The following NFKB1 variants were observed in gnomAD, a reference collection of about 807,000 sequenced individuals.
NFKB1 encodes nuclear factor kappa B subunit 1.
Under a neutral mutation model 105.1 loss-of-function variants are expected in NFKB1, and 9 were observed. That is an observed-to-expected ratio of 0.09 (90% confidence interval 0.05 to 0.15). NFKB1 has a LOEUF of 0.15. Among genes scored for constraint, NFKB1 ranks in the 10% least tolerant of loss-of-function variants. The pLI, the probability that NFKB1 is intolerant of heterozygous loss-of-function variation, is 1.00. For synonymous variants in NFKB1, 440 were observed against 442.2 expected (o/e 1.00, Z 0.06); for missense variants, 830 against 1,203.7 (o/e 0.69, Z 4.59).
At chr4:102,585,094 T>C (rs960541834) in intron 11 of NFKB1, among the ~76,000 whole-genome samples, 3 of 152,026 alleles carry the variant, frequency 2.0e-5, no homozygotes, top group Non-Finnish European at 4.4e-5. Context: ...CTTCCTACAT[T>C]GTCCAGGCTG....
At chr4:102,575,586 G>C (rs138615237) in intron 6 of NFKB1, among the ~76,000 whole-genome samples, 1 of 152,044 alleles carries the variant, frequency 6.6e-6, no homozygotes, top group Non-Finnish European at 1.5e-5. Flanking sequence ...TGAAAACACC[G>C]GCGTGGTCCT....
intron 2 of NFKB1, among the ~76,000 whole-genome samples, chr4:102,527,129 G>A (rs1434784207): frequency 2.6e-5 from 4 of 152,088 alleles, no homozygotes; most frequent in South Asian, 2.1e-4. Flanking sequence ...GGCTTAGTGG[G>A]GAAAAAATAA....
At chr4:102,607,390 G>T in intron 18 of NFKB1, 71 bp downstream of exon 18, 1 of 1,516,622 alleles carries the variant, frequency 6.6e-7, no homozygotes, top group Non-Finnish European at 9.1e-7. Context: ...TTCAAAGAAG[G>T]AAGTCAGTAG....
chr4:102,609,352 C>A (rs1414432248), intron 19 of NFKB1, among the ~76,000 whole-genome samples: 1 of 152,000 alleles, frequency 6.6e-6, no homozygotes, highest in Non-Finnish European at 1.5e-5. Context: ...TGGCTCACAC[C>A]TGTAATCCCA....
At chr4:102,612,776 G>T (rs1205971929) in intron 22 of NFKB1, among the ~76,000 whole-genome samples, 170 bp downstream of exon 22, 1 of 152,142 alleles carries the variant, frequency 6.6e-6, no homozygotes, top group Non-Finnish European at 1.5e-5. Flanking sequence ...ATCTTCCTGA[G>T]AATGCTGTTT....
At chr4:102,537,389 T>C (rs541661286) in intron 4 of NFKB1, among the ~76,000 whole-genome samples, 5 of 152,298 alleles carry the variant, frequency 3.3e-5, no homozygotes, top group East Asian at 1.9e-4. Context: ...TATATCTAAA[T>C]AAACATGTCT....
In NFKB1 at chr4:102,584,728, C is replaced by T; in HGVS notation, c.974C>T (p.Thr325Ile). 6.2e-7 allele frequency: 1 copy of T among 1,611,910 alleles called. No homozygotes were observed. Among genetic ancestry groups the T allele is most frequent in the Non-Finnish European group, 8.5e-7 (1 of 1,179,100 alleles). The change falls in exon 11 of 24, where the codon ACA (threonine) becomes ATA (isoleucine). Residue 325 changes from threonine to isoleucine, a missense_variant. By Grantham distance (89) the Thr-to-Ile change is moderately conservative (BLOSUM62 -1). Coordinates refer to ENST00000226574, the MANE Select transcript of NFKB1 (RefSeq NM_003998.4). The part of the protein sequence containing the change: ...KTPKYKDINI[T>I]KPASVFVQLR... ...CCAAAGTATAAAGATATTAATATTACAAAACCAGCCTCTGTGTTTGTCCAG... is the reference window on the plus strand; with the variant it reads ...CCAAAGTATAAAGATATTAATATTATAAAACCAGCCTCTGTGTTTGTCCAG...
intron 5 of NFKB1, among the ~76,000 whole-genome samples, chr4:102,547,867 G>A (rs1484454627): frequency 6.6e-6 from 1 of 152,110 alleles, no homozygotes. Flanking sequence ...GATCAGCTGT[G>A]TCAAAAGCTT....
intron 15 of NFKB1, among the ~76,000 whole-genome samples, chr4:102,600,520 G>C (rs571056203): frequency 6.6e-6 from 1 of 152,314 alleles, no homozygotes; most frequent in South Asian, 2.1e-4. Flanking sequence ...GTCAGGAAAA[G>C]TCAGGGGGAA....
chr4:102,597,660 A>G lies in NFKB1; in HGVS notation c.1636A>G (p.Ser546Gly). ...LTAVQDENGDSVLHLAIIHLH... is the reference protein window; with the variant it reads ...LTAVQDENGDGVLHLAIIHLH... ...TGCTGTGCAGGATGAGAATGGGGAC[A>G]GGTAAGTCAGAACTTTTGCATGATA... The change falls in exon 15 of 24, where the codon AGT becomes GGT. Residue 546 changes from serine (S) to glycine (G), a missense_variant and splice_region_variant. This residue lies in a region of NFKB1 where 418 missense variants were observed against 575.3 expected (regional missense o/e 0.73). Coordinates refer to ENST00000226574, the MANE Select transcript of NFKB1 (RefSeq NM_003998.4). The G allele has an allele frequency of 1.2e-6, 2 of 1,609,660 alleles. No homozygotes were observed. The highest frequency in any genetic ancestry group is 8.5e-7 in the Non-Finnish European group (1 of 1,177,352).
intron 14 of NFKB1, 59 bp downstream of exon 14, chr4:102,596,391 G>A: frequency 7.3e-7 from 1 of 1,363,930 alleles, no homozygotes; most frequent in South Asian, 1.6e-5. Flanking sequence ...AGTCCTAGGT[G>A]CAGAAAGATA....
intron 5 of NFKB1, among the ~76,000 whole-genome samples, chr4:102,566,740 G>A (rs1273572016): frequency 6.6e-6 from 1 of 152,132 alleles, no homozygotes; most frequent in East Asian, 1.9e-4. Flanking sequence ...TACATATTGT[G>A]TTTTAAGTGG....
intron 14 of NFKB1, 41 bp downstream of exon 14, chr4:102,596,373 GAGGGGTC>G: frequency 6.5e-7 from 1 of 1,543,938 alleles, no homozygotes; most frequent in Non-Finnish European, 8.8e-7. Flanking sequence ...GTTGGCTGGG[GAGGGGTC>G]AGTCCTAGGT....
At chr4:102,543,872 G>A (rs1036654124) in intron 5 of NFKB1, among the ~76,000 whole-genome samples, 18 of 152,090 alleles carry the variant, frequency 1.2e-4, no homozygotes, top group Admixed American at 3.3e-4. Flanking sequence ...CTATGTGTGC[G>A]TATAGAACCT....
intron 1 of NFKB1, among the ~76,000 whole-genome samples, chr4:102,524,453 C>T (rs188479943): frequency 2.7e-4 from 41 of 152,236 alleles, no homozygotes; most frequent in African/African-American, 8.7e-4. Flanking sequence ...CTGTGGAACA[C>T]GCTAGAGCAG....
chr4:102,523,462 A>T (rs1382993037), intron 1 of NFKB1, among the ~76,000 whole-genome samples: 1 of 152,214 alleles, frequency 6.6e-6, no homozygotes, highest in Non-Finnish European at 1.5e-5. Flanking sequence ...GTGCTCCAGC[A>T]GGAGAGGATT....
intron 1 of NFKB1, among the ~76,000 whole-genome samples, chr4:102,522,159 G>A (rs1186134781): frequency 6.6e-6 from 1 of 152,186 alleles, no homozygotes; most frequent in African/African-American, 2.4e-5. Flanking sequence ...AGTTCCAGAC[G>A]CTTAGTTGGT....
rs894697741 is a variant in NFKB1 at position 102,572,188 on chromosome 4, C to T, written c.408-4688C>T. On this transcript the variant is annotated intron_variant, in intron 6 of 23. Coordinates refer to ENST00000226574, the MANE Select transcript of NFKB1 (RefSeq NM_003998.4). The stretch of plus-strand genomic sequence containing the variant: ...GATGAGCTCATGTCCTTTGTAGGGA[C>T]GTGGGTGAAGCTGGAAACCATCATT... Among the ~76,000 whole-genome samples the T allele has an allele frequency of 1.4e-4, 21 of 152,158 alleles. 1 individual carries two copies. Among genetic ancestry groups the T allele is most frequent in the East Asian group, 1.4e-3 (7 of 5,174 alleles).
In NFKB1 at chr4:102,600,979, C is replaced by T. The variant is rs751407989; in HGVS notation, c.1722C>T (p.Asp574=). The T allele has an allele frequency of 1.2e-6, 2 of 1,605,442 alleles. No homozygotes were observed. Among genetic ancestry groups the T allele is most frequent in the Admixed American group, 1.7e-5 (1 of 59,926 alleles). ...LEVTSGLISD[D]IINMRNDLYQ... ...TCACATCTGGTTTGATTTCTGATGA[C>T]ATTATCAACATGAGAAATGATCTGT... The change falls in exon 16 of 24, where the codon GAC becomes GAT. Residue 574 remains aspartate (D), a synonymous_variant. Transcript: ENST00000226574.
Sources: allele counts gnomAD v4.1 joint callset (sites outside exome capture counted in the v4.1 genomes callset), GRCh38; gene constraint gnomAD v4.1.1; regional missense constraint gnomAD v4.1.1; transcripts MANE v1.5; gene names NCBI Gene and HGNC (gene_info 2026-07-23, HGNC 2026-07-21).